Variants in IL1R1 observed in about 807,000 individuals in gnomAD.
The protein encoded by IL1R1 is interleukin-1 receptor type 1.
A neutral mutation model predicts 50.2 loss-of-function variants in IL1R1; 22 were observed. That is an observed-to-expected ratio of 0.44 (90% CI 0.31 to 0.63). IL1R1 has a LOEUF of 0.63. Ranked by LOEUF, IL1R1 falls within the 20% of genes least tolerant of loss-of-function variation. The pLI is 0.07. For missense variants in IL1R1, 509 were observed against 676.2 expected (o/e 0.75, Z 2.74); for synonymous variants, 251 against 236.7 (o/e 1.06, Z -0.55).
chr2:102,126,148 A>T (rs1313330950), intron 1 of IL1R1, among the ~76,000 whole-genome samples: 1 of 152,260 alleles, frequency 6.6e-6, no homozygotes, highest in Non-Finnish European at 1.5e-5. Context: ...GATATTAAAA[A>T]TTTAAATGTA....
chr2:102,141,519 G>A (rs917637617), upstream of IL1R1, among the ~76,000 whole-genome samples: 1 of 152,210 alleles, frequency 6.6e-6, no homozygotes, highest in Non-Finnish European at 1.5e-5. Flanking sequence ...TTAAGAATGA[G>A]AAATTGTCAT....
chr2:102,174,816 T>C, intron 10 of IL1R1, 86 bp downstream of exon 10: 4 of 1,107,906 alleles, frequency 3.6e-6, no homozygotes, highest in Non-Finnish European at 5.0e-6. Context: ...GGGTTTTTAC[T>C]AAGAGGGTTT....
At chr2:102,145,532 C>A (rs767637875) in intron 1 of IL1R1, among the ~76,000 whole-genome samples, 3 of 152,126 alleles carry the variant, frequency 2.0e-5, no homozygotes, top group African/African-American at 4.8e-5. Flanking sequence ...CATGGCGGCA[C>A]GATGGAGACA....
intron 2 of IL1R1, among the ~76,000 whole-genome samples, chr2:102,157,041 G>A (rs1001429236): frequency 1.3e-5 from 2 of 152,288 alleles, no homozygotes; most frequent in African/African-American, 2.4e-5. Context: ...CTAAGGTTGA[G>A]CAGAGGGGAT....
chr2:102,097,221 G>T (rs1043325737), intron 1 of IL1R1, among the ~76,000 whole-genome samples: 11 of 152,104 alleles, frequency 7.2e-5, no homozygotes, highest in African/African-American at 2.4e-4. Context: ...TTCTTTCATA[G>T]CTTCACATAT....
In IL1R1 at chr2:102,133,487, G is replaced by A. The variant is rs189115185; in HGVS notation, c.-83-20454G>A. On this transcript the variant is annotated intron_variant, in intron 1 of 10. Transcript: ENST00000409329. ...GAAAGTACAGACCAGTATTCCTCAT[G>A]AGCATAGATATAAAATTCTAAACAA... is the stretch of plus-strand genomic sequence containing the variant. Among the ~76,000 whole-genome samples, 297 of 152,176 alleles carry A rather than the reference G, an allele frequency of 2.0e-3. 2 individuals are homozygous for A. Among genetic ancestry groups the A allele is most frequent in the Admixed American group, 3.4e-3 (52 of 15,284 alleles).
At chr2:102,085,751 C>T (rs77743144) in intron 1 of IL1R1, among the ~76,000 whole-genome samples, 7,539 of 151,968 alleles carry the variant, frequency 0.05, 263 homozygotes, top group Non-Finnish European at 0.076. Flanking sequence ...ATACCAACAG[C>T]GATTTTGATT....
At chr2:102,147,258 A>G (rs1013638087) in intron 1 of IL1R1, among the ~76,000 whole-genome samples, 6 of 152,224 alleles carry the variant, frequency 3.9e-5, no homozygotes, top group African/African-American at 1.4e-4. Flanking sequence ...ATATGGTGAA[A>G]AATATTTACC....
upstream of IL1R1, among the ~76,000 whole-genome samples, chr2:102,140,123 G>T (rs1682562565): frequency 1.3e-5 from 2 of 152,150 alleles, no homozygotes. Flanking sequence ...CGTGGTTTAT[G>T]ATGTAAACCT....
chr2:102,117,081 A>G (rs539547260), intron 1 of IL1R1, among the ~76,000 whole-genome samples: 1 of 152,358 alleles, frequency 6.6e-6, no homozygotes, highest in South Asian at 2.1e-4. Context: ...GGTTTTAAAT[A>G]TTGGGCAACA....
chr2:102,071,364 C>G (rs1427822550), intron 1 of IL1R1, among the ~76,000 whole-genome samples: 1 of 152,192 alleles, frequency 6.6e-6, no homozygotes, highest in Non-Finnish European at 1.5e-5. Flanking sequence ...TTAACGACTT[C>G]TAATGGACAT....
At position 102,164,991 on chromosome 2, in the gene IL1R1, T is replaced by C. The variant is rs938230267; in HGVS notation, c.279T>C (p.His93=). The change falls in exon 4 of 12, where the codon CAT becomes CAC. Residue 93 remains histidine, a synonymous_variant. Transcript: ENST00000410023. The stretch of plus-strand genomic sequence containing the variant: ...CTGCTAAGGTGGAGGATTCAGGACA[T>C]TACTATTGCGTGGTAAGGTAAGAGA... ...FVPAKVEDSG[H]YYCVVRNSSY... 3 of 1,613,520 alleles carry C rather than the reference T, an allele frequency of 1.9e-6. No individual in the cohort carries two copies. Among genetic ancestry groups the C allele is most frequent in the Non-Finnish European group, 1.7e-6 (2 of 1,179,682 alleles).
chr2:102,080,798 C>T (rs904128408), intron 1 of IL1R1, among the ~76,000 whole-genome samples: 1 of 152,222 alleles, frequency 6.6e-6, no homozygotes, highest in East Asian at 1.9e-4. Flanking sequence ...AACATAGAAA[C>T]AACCCAAATG....
rs551502028 is a variant in IL1R1, at chr2:102,084,226, G to A, written c.-84+13693G>A. 1.2e-3 allele frequency among the ~76,000 whole-genome samples: 190 copies of A among 152,178 alleles called. 1 individual carries two copies. Among genetic ancestry groups the A allele is most frequent in the Non-Finnish European group, 2.1e-3 (142 of 68,028 alleles). On this transcript the variant is annotated intron_variant, in intron 1 of 11. Coordinates refer to the IL1R1 transcript ENST00000409929. ...AGCTCAGTTAAACTAAAGACAGCCC[G>A]TTGACATCTTTTGTGCGTTTCCTCC...
intron 1 of IL1R1, among the ~76,000 whole-genome samples, chr2:102,129,613 G>A (rs1681920881): frequency 6.6e-6 from 1 of 152,204 alleles, no homozygotes; most frequent in Non-Finnish European, 1.5e-5. Flanking sequence ...AACCTGACAG[G>A]GGCTGCTGTG....
chr2:102,086,714 G>A (rs904261476), intron 1 of IL1R1, among the ~76,000 whole-genome samples: 37 of 152,032 alleles, frequency 2.4e-4, no homozygotes, highest in African/African-American at 5.6e-4. Flanking sequence ...TCTCGTTACT[G>A]TTCTTTCCAG....
upstream of IL1R1, among the ~76,000 whole-genome samples, chr2:102,140,460 G>A (rs1285230144): frequency 6.6e-6 from 1 of 152,226 alleles, no homozygotes; most frequent in Admixed American, 6.5e-5. Context: ...TCAGAGGTGG[G>A]AGGGAGACAC....
At chr2:102,176,305 G>T (rs201813954) in intron 11 of IL1R1, 48 bp from the exon 12 acceptor site, 1 of 1,547,372 alleles carries the variant, frequency 6.5e-7, no homozygotes, top group Non-Finnish European at 8.8e-7. Flanking sequence ...AGGAGAGAAT[G>T]ATGATAAATA....
At chr2:102,173,864 G>A (rs1360846654) in intron 9 of IL1R1, among the ~76,000 whole-genome samples, 2 of 152,150 alleles carry the variant, frequency 1.3e-5, no homozygotes, top group East Asian at 3.8e-4. Context: ...CAGACATCAT[G>A]ATCTTGTATG....
Sources: gnomAD v4.1 joint callset for allele counts (sites outside exome capture counted in the v4.1 genomes callset) on GRCh38, gnomAD v4.1.1 for gene constraint, MANE v1.5 for transcripts, NCBI Gene and HGNC (gene_info 2026-07-23, HGNC 2026-07-21) for gene names.